Variants in SLC35F4 observed in about 807,000 individuals in gnomAD.
SLC35F4 encodes solute carrier family 35 member F4.
Under a neutral mutation model 44.2 loss-of-function variants are expected in SLC35F4, and 24 were observed. The observed-to-expected ratio is 0.54, with a 90% confidence interval of 0.39 to 0.76. The LOEUF (loss-of-function observed/expected upper bound fraction) is 0.76. SLC35F4 is among the 30% of genes least tolerant of loss of function. The probability of loss-of-function intolerance (pLI) is 0.00; values close to 1 mark genes in which losing one functional copy is unlikely to be tolerated. For synonymous variants in SLC35F4, 238 were observed against 223.6 expected (o/e 1.06, Z -0.57); for missense variants, 562 against 586.1 (o/e 0.96, Z 0.42).
At position 57,743,978 on chromosome 14, in the gene SLC35F4, G is replaced by A. The variant is rs146740681; in HGVS notation, c.103+121745C>T. 2.5e-3 allele frequency among the ~76,000 whole-genome samples: 376 copies of A among 152,124 alleles called. 1 individual carries two copies. Among genetic ancestry groups the A allele is most frequent in the African/African-American group, 8.1e-3 (336 of 41,512 alleles). ...AAACAGAACCAACGACAAAAACCAC[G>A]TGATTATCTCAATAGACGCAGAAAA... On this transcript the variant is annotated intron_variant, in intron 1 of 7. Coordinates refer to ENST00000556826, the MANE Select transcript of SLC35F4 (RefSeq NM_001306087.2).
At chr14:57,863,025 T>TA (rs201597228) in intron 1 of SLC35F4, among the ~76,000 whole-genome samples, 1,990 of 146,962 alleles carry the variant, frequency 0.014, 35 homozygotes, top group African/African-American at 0.051. Context: ...ATCATCTTTT[T>TA]TAAAAAAAAT....
At chr14:57,856,206 G>A (rs542944496) in intron 1 of SLC35F4, among the ~76,000 whole-genome samples, 1 of 152,092 alleles carries the variant, frequency 6.6e-6, no homozygotes, top group African/African-American at 2.4e-5. Context: ...AGCATTAGGA[G>A]AAATACCTAA....
chr14:57,889,756 G>A (rs540129398), intron 1 of SLC35F4, among the ~76,000 whole-genome samples: 2 of 152,160 alleles, frequency 1.3e-5, no homozygotes, highest in Non-Finnish European at 2.9e-5. Flanking sequence ...TTATTAAAAT[G>A]AATGCCTTTG....
chr14:57,689,091 C>T (rs2075150615), intron 1 of SLC35F4, among the ~76,000 whole-genome samples: 1 of 152,170 alleles, frequency 6.6e-6, no homozygotes, highest in Non-Finnish European at 1.5e-5. Context: ...TCTATCCTCT[C>T]TTTCTCCACT....
At chr14:57,941,522 T>C (rs1889916619) in intron 1 of SLC35F4, among the ~76,000 whole-genome samples, 1 of 152,122 alleles carries the variant, frequency 6.6e-6, no homozygotes, top group Non-Finnish European at 1.5e-5. Context: ...AGAGGTTGTT[T>C]AGGGCTGAGG....
chr14:57,764,308 G>T (rs1388394910), intron 1 of SLC35F4, among the ~76,000 whole-genome samples: 2 of 151,360 alleles, frequency 1.3e-5, no homozygotes, highest in South Asian at 4.2e-4. Context: ...CTTGCTGTAG[G>T]TTCTAAAAAA....
intron 1 of SLC35F4, among the ~76,000 whole-genome samples, chr14:57,691,036 C>G (rs1465840717): frequency 1.3e-5 from 2 of 152,066 alleles, no homozygotes; most frequent in Admixed American, 1.3e-4. Flanking sequence ...GATTGGTGAC[C>G]CTTGCCCTAG....
intron 1 of SLC35F4, among the ~76,000 whole-genome samples, chr14:57,726,974 C>T (rs1594895464): frequency 6.6e-6 from 1 of 152,068 alleles, no homozygotes; most frequent in African/African-American, 2.4e-5. Context: ...CATCTTTCTC[C>T]CGTGCTGGAT....
At chr14:57,574,189 A>G (rs2068661034) in intron 4 of SLC35F4, among the ~76,000 whole-genome samples, 1 of 152,220 alleles carries the variant, frequency 6.6e-6, no homozygotes, top group Admixed American at 6.5e-5. Context: ...ACTAGTAAAA[A>G]TAGATATGCA....
At chr14:57,919,883 A>T (rs1460625082) in intron 1 of SLC35F4, among the ~76,000 whole-genome samples, 3 of 152,174 alleles carry the variant, frequency 2.0e-5, no homozygotes, top group African/African-American at 7.2e-5. Context: ...GCTCAGTGAG[A>T]AAGTGGTGAT....
chr14:57,834,213 A>G (rs1475883294), intron 1 of SLC35F4, among the ~76,000 whole-genome samples: 2 of 152,226 alleles, frequency 1.3e-5, no homozygotes, highest in Non-Finnish European at 2.9e-5. Flanking sequence ...CTGAGTTGGT[A>G]AAAATTGAGA....
chr14:57,797,227 G>C lies in SLC35F4; in HGVS notation c.103+68496C>G, dbSNP rs560394126. ...ATGTTCCATCACCTCTGCTAGCAGAGGATGGACACTTGCTGCCTGCTGGGC... is the reference window on the plus strand; with the variant it reads ...ATGTTCCATCACCTCTGCTAGCAGACGATGGACACTTGCTGCCTGCTGGGC... On this transcript the variant is annotated intron_variant, in intron 1 of 7. Transcript: ENST00000556826. 2.8e-4 allele frequency among the ~76,000 whole-genome samples: 42 copies of C among 152,292 alleles called. 1 individual carries two copies. The highest frequency in any genetic ancestry group is 3.4e-3 in the Middle Eastern group (1 of 294).
At chr14:57,891,679 C>T (rs956851402) in intron 1 of SLC35F4, among the ~76,000 whole-genome samples, 2 of 152,088 alleles carry the variant, frequency 1.3e-5, no homozygotes, top group Admixed American at 6.6e-5. Context: ...AGATCGAGAG[C>T]ATCCTGGCCA....
intron 1 of SLC35F4, among the ~76,000 whole-genome samples, chr14:57,751,637 T>G (rs2076885798): frequency 6.6e-6 from 1 of 152,192 alleles, no homozygotes; most frequent in Non-Finnish European, 1.5e-5. Flanking sequence ...TGATTAAGGC[T>G]CCTTATAGTT....
At chr14:57,875,779 G>C (rs1888386557) in intron 1 of SLC35F4, among the ~76,000 whole-genome samples, 1 of 152,184 alleles carries the variant, frequency 6.6e-6, no homozygotes, top group African/African-American at 2.4e-5. Flanking sequence ...TGATTAGGTG[G>C]AGAAATGGAT....
At position 57,907,757 on chromosome 14, in the gene SLC35F4, A is replaced by G. The variant is rs142992097; in HGVS notation, n.282+74156T>C. 2.1e-3 allele frequency among the ~76,000 whole-genome samples: 321 copies of G among 152,324 alleles called. 1 individual carries two copies. Among genetic ancestry groups the G allele is most frequent in the African/African-American group, 7.3e-3 (302 of 41,580 alleles). The stretch of plus-strand genomic sequence containing the variant: ...AGGCACTGTTAGAACTACTGTGGGA[A>G]CCATCCTAGGTGCTGAAAGAGATAC... On this transcript the variant is annotated intron_variant and non_coding_transcript_variant, in intron 1 of 1. Transcript: ENST00000556568.
At chr14:57,598,520 C>T (rs947631350) in intron 1 of SLC35F4, among the ~76,000 whole-genome samples, 4 of 152,120 alleles carry the variant, frequency 2.6e-5, no homozygotes, top group Admixed American at 2.6e-4. Context: ...TCTCAGATAA[C>T]AACTTGAAAA....
intron 4 of SLC35F4, among the ~76,000 whole-genome samples, chr14:57,572,529 A>C (rs974287691): frequency 1.4e-5 from 2 of 146,718 alleles, no homozygotes; most frequent in African/African-American, 5.0e-5. Context: ...ACTTCAGGCC[A>C]ATGGGAAAAA....
At chr14:57,737,126 A>ATG (rs1415506601) in intron 1 of SLC35F4, among the ~76,000 whole-genome samples, 4 of 133,300 alleles carry the variant, frequency 3.0e-5, no homozygotes, top group African/African-American at 5.5e-5. Flanking sequence ...GTGTGTGTGC[A>ATG]TGTGTGTGTG....
Sources: allele counts gnomAD v4.1 joint callset (sites outside exome capture counted in the v4.1 genomes callset), GRCh38; gene constraint gnomAD v4.1.1; transcripts MANE v1.5; gene names NCBI Gene and HGNC (gene_info 2026-07-23, HGNC 2026-07-21).